PDE4D: variants seen among roughly 807,000 people sequenced by gnomAD.
The protein encoded by PDE4D is phosphodiesterase 4D, also known as 3',5'-cyclic-AMP phosphodiesterase 4D.
PDE4D carries 24 observed loss-of-function variants against 87.4 expected under a neutral mutation model. The ratio of observed to expected loss-of-function variants is 0.27; its 90% confidence interval spans 0.20 to 0.39. The LOEUF is 0.39. Among genes scored for constraint, PDE4D ranks in the 10% least tolerant of loss-of-function variants. The pLI, the probability that PDE4D is intolerant of heterozygous loss-of-function variation, is 1.00. For synonymous variants in PDE4D, 384 were observed against 383.2 expected, an observed-to-expected ratio of 1.00 and a Z score of -0.02; for missense variants, 714 against 1,041.0, an observed-to-expected ratio of 0.69 and a Z score of 4.32.
intron 1 of PDE4D, among the ~76,000 whole-genome samples, chr5:59,595,729 G>A (rs1826579332): frequency 6.6e-6 from 1 of 152,088 alleles, no homozygotes; most frequent in Admixed American, 6.6e-5. Context: ...GATCTCAAGA[G>A]GGTATTCCTC....
chr5:59,005,535 G>A (rs934457677), intron 6 of PDE4D, among the ~76,000 whole-genome samples: 1 of 152,144 alleles, frequency 6.6e-6, no homozygotes, highest in African/African-American at 2.4e-5. Context: ...GCTGCTATCT[G>A]CAGAGAGAAT....
At chr5:60,430,036 G>A (rs1744080341) in intron 1 of PDE4D, 1 of 522,568 alleles carries the variant, frequency 1.9e-6, no homozygotes, top group African/African-American at 1.9e-5. Flanking sequence ...GATACAGTAT[G>A]AGACGTTGCT....
intron 1 of PDE4D, among the ~76,000 whole-genome samples, chr5:59,328,041 CAT>C (rs1368094481): frequency 6.6e-6 from 1 of 152,140 alleles, no homozygotes. Flanking sequence ...GATAATAGCA[CAT>C]GTGGTCCAAG....
chr5:59,927,128 G>C (rs1164988189), intron 3 of PDE4D, among the ~76,000 whole-genome samples: 1 of 152,192 alleles, frequency 6.6e-6, no homozygotes, highest in Admixed American at 6.5e-5. Context: ...TTCTGCATTT[G>C]AGTGTTTGAG....
intron 1 of PDE4D, among the ~76,000 whole-genome samples, chr5:60,316,368 G>A (rs575558136): frequency 3.2e-4 from 49 of 152,252 alleles, no homozygotes; most frequent in African/African-American, 1.1e-3. Context: ...TTGCCTATCA[G>A]CTTAAGGAGA....
chr5:60,194,456 AT>A (rs1740972696), intron 1 of PDE4D, among the ~76,000 whole-genome samples: 1 of 151,582 alleles, frequency 6.6e-6, no homozygotes, highest in Non-Finnish European at 1.5e-5. Flanking sequence ...CATTGATATT[AT>A]TTTTATCAGC....
intron 3 of PDE4D, among the ~76,000 whole-genome samples, chr5:59,906,556 C>T (rs1477068559): frequency 2.0e-5 from 3 of 152,100 alleles, no homozygotes; most frequent in Non-Finnish European, 4.4e-5. Flanking sequence ...ACTTCAGTGG[C>T]AGAGTTGAGT....
At chr5:60,460,049 C>A (rs1437876038) in intron 1 of PDE4D, 88 of 1,528,808 alleles carry the variant, frequency 5.8e-5, no homozygotes, top group Non-Finnish European at 7.5e-5. Flanking sequence ...CAAATATCAT[C>A]TTTGGTGACC....
At chr5:59,822,942 C>G (rs1434709024) in intron 1 of PDE4D, among the ~76,000 whole-genome samples, 3 of 152,206 alleles carry the variant, frequency 2.0e-5, no homozygotes, top group Non-Finnish European at 4.4e-5. Flanking sequence ...GAAATCCTGG[C>G]TCATCTAATT....
At chr5:60,381,315 C>T (rs1269977668) in intron 1 of PDE4D, among the ~76,000 whole-genome samples, 3 of 152,164 alleles carry the variant, frequency 2.0e-5, no homozygotes, top group Admixed American at 6.5e-5. Flanking sequence ...CACGGTATTG[C>T]TTGCAGAATT....
chr5:59,562,032 C>T (rs956621151), intron 1 of PDE4D, among the ~76,000 whole-genome samples: 5 of 152,122 alleles, frequency 3.3e-5, no homozygotes, highest in Non-Finnish European at 5.9e-5. Flanking sequence ...TGACTGCTGG[C>T]TACTTACTGC....
intron 1 of PDE4D, among the ~76,000 whole-genome samples, chr5:59,823,723 G>A (rs1462533901): frequency 6.6e-6 from 1 of 151,730 alleles, no homozygotes; most frequent in African/African-American, 2.4e-5. Context: ...CAAGTTCCTT[G>A]AGCCCTGCCT....
intron 1 of PDE4D, among the ~76,000 whole-genome samples, chr5:59,753,966 T>C (rs1760851820): frequency 6.6e-6 from 1 of 152,214 alleles, no homozygotes; most frequent in East Asian, 1.9e-4. Context: ...TCTGTTTTTT[T>C]ACTTCAACGC....
chr5:59,066,400 AG>A (rs1763940660), intron 5 of PDE4D, among the ~76,000 whole-genome samples: 1 of 152,098 alleles, frequency 6.6e-6, no homozygotes, highest in African/African-American at 2.4e-5. Context: ...ATAGATGGGG[AG>A]GGGACCCAGG....
intron 1 of PDE4D, among the ~76,000 whole-genome samples, chr5:59,829,764 C>T (rs527323118): frequency 6.6e-5 from 10 of 152,050 alleles, no homozygotes; most frequent in African/African-American, 2.4e-4. Context: ...TTTTACTAGT[C>T]TATTTAAGTA....
intron 1 of PDE4D, among the ~76,000 whole-genome samples, chr5:59,747,256 T>C (rs989409331): frequency 6.6e-6 from 1 of 152,186 alleles, no homozygotes; most frequent in Non-Finnish European, 1.5e-5. Flanking sequence ...CTCCAGTGCA[T>C]TGACCTTAGA....
chr5:59,631,737 G>C (rs117627895), intron 1 of PDE4D, among the ~76,000 whole-genome samples: 1 of 152,212 alleles, frequency 6.6e-6, no homozygotes, highest in Non-Finnish European at 1.5e-5. Flanking sequence ...CTTTTCCCAC[G>C]GTCTTCACTA....
chr5:59,830,324 G>A (rs1292053971), intron 1 of PDE4D, among the ~76,000 whole-genome samples: 1 of 151,844 alleles, frequency 6.6e-6, no homozygotes, highest in African/African-American at 2.4e-5. Flanking sequence ...TTTTTCTAAT[G>A]TCTACATTAT....
intron 5 of PDE4D, among the ~76,000 whole-genome samples, chr5:59,131,600 AC>A: frequency 4.1e-5 from 1 of 24,226 alleles, no homozygotes; most frequent in African/African-American, 1.3e-4. Flanking sequence ...AATTTAAAAC[AC>A]ACACACACAC....
Sources: gnomAD v4.1 joint callset for allele counts (sites outside exome capture counted in the v4.1 genomes callset) on GRCh38, gnomAD v4.1.1 for gene constraint, MANE v1.5 for transcripts, NCBI Gene and HGNC (gene_info 2026-07-23, HGNC 2026-07-21) for gene names.